PHLDB3: variants seen among roughly 807,000 people sequenced by gnomAD.
PHLDB3 encodes pleckstrin homology-like domain family B member 3.
Under a neutral mutation model 85.7 loss-of-function variants are expected in PHLDB3, and 86 were observed. That is an observed-to-expected ratio of 1.00 (90% CI 0.84 to 1.20). PHLDB3 has a LOEUF of 1.20. PHLDB3 is among the 50% of genes most tolerant of loss of function. The pLI, the probability that PHLDB3 is intolerant of heterozygous loss-of-function variation, is 0.00. For synonymous variants in PHLDB3, 376 were observed against 349.8 expected (o/e 1.07, Z -0.83); for missense variants, 995 against 873.0 (o/e 1.14, Z -1.76).
At chr19:43,481,474 C>T (rs907080874) in intron 13 of PHLDB3, among the ~76,000 whole-genome samples, 3 of 152,078 alleles carry the variant, frequency 2.0e-5, no homozygotes, top group Non-Finnish European at 2.9e-5. Flanking sequence ...CAAAATTAGC[C>T]AGGCGTGGTG....
At position 43,478,000 on chromosome 19, in the gene PHLDB3, A is replaced by C. The variant is rs562443195; in HGVS notation, c.1788+47T>G. On this transcript the variant is annotated intron_variant, in intron 15 of 15. Coordinates refer to ENST00000292140, the MANE Select transcript of PHLDB3 (RefSeq NM_198850.4). ...CAGGGATGAGATAAGGCCTGACTCC[A>C]ACTGAGTCTCCAACTGGGAGGTCAG... 7 of 1,505,776 alleles carry C rather than the reference A, an allele frequency of 4.6e-6. No homozygotes were observed. The Admixed American group carries it at 1.2e-4, about 26-fold the overall frequency. 93.3% of individuals were successfully genotyped at this position (1,505,776 alleles called of 1,614,324 possible).
chr19:43,483,427 C>T (rs765074161), intron 13 of PHLDB3, among the ~76,000 whole-genome samples: 1 of 151,974 alleles, frequency 6.6e-6, no homozygotes. Flanking sequence ...CAAAGGCATG[C>T]ACCACCACAC....
At chr19:43,500,050 A>G (rs973122340) in intron 4 of PHLDB3, among the ~76,000 whole-genome samples, 3 of 151,988 alleles carry the variant, frequency 2.0e-5, no homozygotes, top group Non-Finnish European at 4.4e-5. Flanking sequence ...GACCAGCCTG[A>G]CCAGCATGGA....
rs1380558496 is a variant in PHLDB3 at position 43,501,851 on chromosome 19, C to G, written c.417G>C (p.Leu139Phe). 1.1e-5 allele frequency: 17 copies of G among 1,593,176 alleles called. No homozygotes were observed. Among genetic ancestry groups the G allele is most frequent in the Non-Finnish European group, 1.5e-5 (17 of 1,170,396 alleles). ...LRIEMEVEVA[L>F]LRGELAGERV... ...GCTCCCCAGCCAGCTCACCCCGCAG[C>G]AAGGCCACCTCCACCTCCATCTGCG... The change falls in exon 4 of 16, where the codon TTG (leucine) becomes TTC (phenylalanine). Residue 139 changes from leucine (L) to phenylalanine (F), a missense_variant. By Grantham distance (22) the Leu-to-Phe change is conservative (BLOSUM62 0). Transcript: ENST00000292140.
intron 2 of PHLDB3, among the ~76,000 whole-genome samples, chr19:43,503,653 C>T (rs1306934884): frequency 6.6e-6 from 1 of 152,094 alleles, no homozygotes; most frequent in Non-Finnish European, 1.5e-5. Flanking sequence ...GGTCTATCTC[C>T]GTTCTTGGGG....
intron 13 of PHLDB3, among the ~76,000 whole-genome samples, chr19:43,485,731 A>G (rs1288684517): frequency 6.6e-6 from 1 of 151,172 alleles, no homozygotes; most frequent in Non-Finnish European, 1.5e-5. Flanking sequence ...TAATTTTTGT[A>G]TTTTTAGTAG....
At chr19:43,478,740 C>T in intron 14 of PHLDB3, among the ~76,000 whole-genome samples, 1 of 152,114 alleles carries the variant, frequency 6.6e-6, no homozygotes, top group Non-Finnish European at 1.5e-5. Flanking sequence ...ACAGTGAAAC[C>T]CTGTCTCTAC....
intron 13 of PHLDB3, among the ~76,000 whole-genome samples, chr19:43,484,730 C>A (rs956309618): frequency 1.3e-5 from 2 of 152,158 alleles, no homozygotes; most frequent in African/African-American, 4.8e-5. Context: ...ACAAGCCTAT[C>A]TATTGGAGAT....
At position 43,502,093 on chromosome 19, in the gene PHLDB3, A is replaced by G. The variant is rs1333787760; in HGVS notation, c.396+8T>C. On this transcript the variant is annotated splice_region_variant and intron_variant, in intron 3 of 15. Coordinates refer to ENST00000292140, the MANE Select transcript of PHLDB3 (RefSeq NM_198850.4). ...GGGCCAGGCTTCCCAAGGGGTCCGC[A>G]GCCTCACCTCGATCCTCAGCTCCTT... 22 of 1,565,256 alleles carry G rather than the reference A, an allele frequency of 1.4e-5. No homozygotes were observed. The highest frequency in any genetic ancestry group is 2.0e-4 in the Middle Eastern group (1 of 5,026).
At chr19:43,491,097 GACA>G (rs1290883905) in intron 9 of PHLDB3, among the ~76,000 whole-genome samples, 2 of 152,210 alleles carry the variant, frequency 1.3e-5, no homozygotes, top group Non-Finnish European at 2.9e-5. Flanking sequence ...CAAGTCAGGT[GACA>G]ACTCCATAGG....
intron 4 of PHLDB3, among the ~76,000 whole-genome samples, chr19:43,501,206 G>A (rs990013043): frequency 3.3e-5 from 4 of 120,950 alleles, no homozygotes; most frequent in Non-Finnish European, 4.9e-5. Flanking sequence ...TTGAGACGGA[G>A]TCTCCTTCTT....
rs932904410 is a variant in PHLDB3 at position 43,500,467 on chromosome 19, G to A, written c.534+1267C>T. ...CTGGATTTTTCCAATAAACAGTATG[G>A]GGAAGACACAGCGGGTAGGAACCAC... On this transcript the variant is annotated intron_variant, in intron 4 of 15. Transcript: ENST00000292140. Among the ~76,000 whole-genome samples, 5 of 152,214 alleles carry A rather than the reference G, an allele frequency of 3.3e-5. No homozygotes were observed. The East Asian group carries it at 9.6e-4, about 29-fold the overall frequency.
intron 2 of PHLDB3, among the ~76,000 whole-genome samples, chr19:43,502,781 G>A (rs1971645861): frequency 6.6e-6 from 1 of 152,050 alleles, no homozygotes; most frequent in South Asian, 2.1e-4. Flanking sequence ...TAAGGTCGGA[G>A]TGGGGGAGGG....
intron 9 of PHLDB3, among the ~76,000 whole-genome samples, chr19:43,489,675 A>G (rs1327230282): frequency 6.6e-6 from 1 of 152,082 alleles, no homozygotes; most frequent in Non-Finnish European, 1.5e-5. Flanking sequence ...GCCAAGAAAA[A>G]AAAAGTTTGT....
chr19:43,478,437 T>C (rs1324905871), intron 14 of PHLDB3, among the ~76,000 whole-genome samples: 2 of 152,142 alleles, frequency 1.3e-5, no homozygotes, highest in Non-Finnish European at 2.9e-5. Context: ...GTATAATCTC[T>C]AACCCTCTCA....
intron 2 of PHLDB3, 148 bp downstream of exon 2, chr19:43,503,758 T>C (rs1971676465): frequency 3.5e-6 from 3 of 866,694 alleles, no homozygotes; most frequent in Non-Finnish European, 5.3e-6. Context: ...TGTATCTCTC[T>C]CTCAGTAGTC....
intron 6 of PHLDB3, 36 bp downstream of exon 6, chr19:43,497,082 C>G: frequency 1.3e-5 from 18 of 1,402,518 alleles, no homozygotes; most frequent in Non-Finnish European, 1.6e-5. Flanking sequence ...CAGAGAGGAG[C>G]AGCAAGGGGG....
chr19:43,501,210 CCTT>C (rs1270084955), intron 4 of PHLDB3, among the ~76,000 whole-genome samples: 8 of 127,194 alleles, frequency 6.3e-5, no homozygotes, highest in African/African-American at 1.8e-4. Flanking sequence ...GACGGAGTCT[CCTT>C]CTTGTCACGC....
At position 43,495,328 on chromosome 19, in the gene PHLDB3, C is replaced by G. The variant is rs1297285345; in HGVS notation, c.963G>C (p.Arg321=). 1.9e-6 allele frequency: 3 copies of G among 1,613,392 alleles called. No homozygotes were observed. The highest frequency in any genetic ancestry group is 2.5e-6 in the Non-Finnish European group (3 of 1,179,652). Reference sequence around the variant, plus strand: ...CCTGAAGGCAATTGAGCTCGAGCAGCCGGCTCCGTTCCTACCAGAAGATAT... The same window carrying G: ...CCTGAAGGCAATTGAGCTCGAGCAGGCGGCTCCGTTCCTACCAGAAGATAT... The part of the protein sequence containing the change: ...ALQALSQERS[R]LLELNCLQGT... Residue 321 remains arginine, a synonymous_variant, in exon 8 of 16, where the codon CGG becomes CGC. Transcript: ENST00000292140.
Sources: gnomAD v4.1 joint callset for allele counts (sites outside exome capture counted in the v4.1 genomes callset) on GRCh38, gnomAD v4.1.1 for gene constraint, MANE v1.5 for transcripts, NCBI Gene and HGNC (gene_info 2026-07-23, HGNC 2026-07-21) for gene names.